The following AFAP1L2 variants were observed in gnomAD, a reference collection of about 807,000 sequenced individuals.
AFAP1L2 encodes the protein actin filament-associated protein 1-like 2.
A neutral mutation model predicts 99.3 loss-of-function variants in AFAP1L2; 46 were observed. That is an observed-to-expected ratio of 0.46 (90% CI 0.37 to 0.59). AFAP1L2 has a LOEUF of 0.59. Ranked by LOEUF, AFAP1L2 falls within the 20% of genes least tolerant of loss-of-function variation. The pLI, the probability that AFAP1L2 is intolerant of heterozygous loss-of-function variation, is 0.00. For missense variants in AFAP1L2, 959 were observed against 1,034.9 expected (o/e 0.93, Z 1.01); for synonymous variants, 397 against 419.1 (o/e 0.95, Z 0.64).
chr10:114,302,228 A>G, intron 12 of AFAP1L2, 111 bp downstream of exon 12: 2 of 1,445,784 alleles, frequency 1.4e-6, no homozygotes, highest in Non-Finnish European at 1.9e-6. Context: ...GCTGCTGGGC[A>G]GAGTGGGGTG....
At position 114,377,133 on chromosome 10, in the gene AFAP1L2, C is replaced by A. The variant is rs2054915900; in HGVS notation, c.16+27307G>T. ...TTTACTAATTCACACTCACCCATCT[C>A]CTTCCTAGTCCCAGACTTCCCAAGT... On this transcript the variant is annotated intron_variant, in intron 1 of 18. Coordinates refer to ENST00000304129, the MANE Select transcript of AFAP1L2 (RefSeq NM_001001936.3). This position sits in a 1 kb window ranked among gnomAD's most constrained non-coding sequence, Gnocchi z 4.0. 6.6e-6 allele frequency among the ~76,000 whole-genome samples: 1 copy of A among 152,218 alleles called. No homozygotes were observed. The highest frequency in any genetic ancestry group is 2.4e-5 in the African/African-American group (1 of 41,458).
At chr10:114,302,265 A>T in intron 12 of AFAP1L2, 74 bp downstream of exon 12, 1 of 1,592,566 alleles carries the variant, frequency 6.3e-7, no homozygotes, top group Non-Finnish European at 8.6e-7. Context: ...GCTGCCCCTG[A>T]CTCTGGCTGA....
At chr10:114,397,274 G>C (rs186895739) in intron 1 of AFAP1L2, among the ~76,000 whole-genome samples, 131 of 152,252 alleles carry the variant, frequency 8.6e-4, no homozygotes, top group Non-Finnish European at 9.9e-4. Flanking sequence ...CCCAGTCCCA[G>C]TCCTGGCAAC....
chr10:114,394,472 C>T (rs1294400495), intron 1 of AFAP1L2, among the ~76,000 whole-genome samples: 1 of 152,150 alleles, frequency 6.6e-6, no homozygotes, highest in Non-Finnish European at 1.5e-5. Flanking sequence ...TGACTCTATC[C>T]TCTGTGTCTT....
At chr10:114,380,168 C>T (rs1255744557) in intron 1 of AFAP1L2, among the ~76,000 whole-genome samples, 1 of 152,204 alleles carries the variant, frequency 6.6e-6, no homozygotes, top group African/African-American at 2.4e-5. Flanking sequence ...GTGGGGCTGT[C>T]CTCACAAGAC....
At chr10:114,317,160 C>CATTT (rs57241577) in intron 5 of AFAP1L2, among the ~76,000 whole-genome samples, 3 of 152,128 alleles carry the variant, frequency 2.0e-5, no homozygotes, top group Admixed American at 6.5e-5. Flanking sequence ...CTAAGAAGCA[C>CATTT]GTTTGATTTT....
chr10:114,376,944 A>T (rs972593147), intron 1 of AFAP1L2, among the ~76,000 whole-genome samples: 2 of 152,180 alleles, frequency 1.3e-5, no homozygotes, highest in Non-Finnish European at 1.5e-5. Context: ...GGATAGGAGC[A>T]AGATGGAGTA....
intron 6 of AFAP1L2, among the ~76,000 whole-genome samples, chr10:114,315,288 G>T (rs1483378155): frequency 2.0e-5 from 3 of 151,286 alleles, no homozygotes; most frequent in Non-Finnish European, 4.4e-5. Flanking sequence ...TCACAAAGAG[G>T]AGGATGGGAT....
At chr10:114,374,628 G>T (rs1029817287) in intron 1 of AFAP1L2, among the ~76,000 whole-genome samples, 5 of 152,010 alleles carry the variant, frequency 3.3e-5, no homozygotes, top group Non-Finnish European at 5.9e-5. Flanking sequence ...CACAGGAGCT[G>T]CCAGAGTCCT....
rs933499975 is a variant in AFAP1L2, at chr10:114,297,005, G to T, written c.2403C>A (p.Gly801=). The change falls in exon 18 of 19, where the codon GGC becomes GGA. Residue 801 remains glycine (G), a synonymous_variant. Coordinates refer to ENST00000304129, the MANE Select transcript of AFAP1L2 (RefSeq NM_001001936.3). ...KNRPLSVVVT[G]KGTVLQKAKE... is the part of the protein sequence containing the mutation. Reference sequence around the variant, plus strand: ...TGGCTTTCTGGAGTACAGTGCCTTTGCCTGTGACCACGACCGAGAGAGGCC... The same window carrying T: ...TGGCTTTCTGGAGTACAGTGCCTTTTCCTGTGACCACGACCGAGAGAGGCC... 3 of 1,614,072 alleles carry T rather than the reference G, an allele frequency of 1.9e-6. No individual in the cohort carries two copies. The highest frequency in any genetic ancestry group is 1.7e-5 in the Admixed American group (1 of 59,994).
At chr10:114,313,459 T>C (rs1039990197) in intron 7 of AFAP1L2, among the ~76,000 whole-genome samples, 18 of 152,236 alleles carry the variant, frequency 1.2e-4, no homozygotes, top group African/African-American at 3.9e-4. Context: ...ACCTCCATCC[T>C]TTGAGCCTTA....
At chr10:114,360,517 A>ATAGATAGT (rs1554937734) in intron 1 of AFAP1L2, among the ~76,000 whole-genome samples, 133 of 125,854 alleles carry the variant, frequency 1.1e-3, no homozygotes, top group African/African-American at 2.6e-3. Context: ...AGTTAGATAG[A>ATAGATAGT]TAGATAGATA....
rs777948055 is a variant in AFAP1L2, at chr10:114,295,991, T to A, written c.*51A>T. The A allele has an allele frequency of 1.2e-6, 2 of 1,613,972 alleles. No individual in the cohort carries two copies. The highest frequency in any genetic ancestry group is 1.7e-6 in the Non-Finnish European group (2 of 1,179,882). On this transcript the variant is annotated 3_prime_UTR_variant, in exon 19 of 19. Coordinates refer to ENST00000304129, the MANE Select transcript of AFAP1L2 (RefSeq NM_001001936.3). ...TAGTTTTTGCTTTAACAAAGCAGGATTGTCACCAAGGTCCACATTGACATG... is the reference window on the plus strand; with the variant it reads ...TAGTTTTTGCTTTAACAAAGCAGGAATGTCACCAAGGTCCACATTGACATG...
chr10:114,394,365 C>T (rs538354963), intron 1 of AFAP1L2, among the ~76,000 whole-genome samples: 1 of 152,282 alleles, frequency 6.6e-6, no homozygotes, highest in South Asian at 2.1e-4. Context: ...GGTCACCAGC[C>T]CCTCCTGGGA....
Position 114,331,874 on chromosome 10 carries a change from G to T in AFAP1L2, c.244C>A (p.Pro82Thr). Residue 82 changes from proline to threonine, a missense_variant, in exon 4 of 19, where the codon CCC (proline) becomes ACC (threonine). Pro to Thr is a conservative substitution (Grantham distance 38). Transcript: ENST00000304129. ...GKAPEEQGLL[P>T]NGEPSQHSSA... ...GAGTGCTGGCTGGGCTCCCCATTGGGTAGCAGGCCCTGCTCCTCAGGCGCT... is the reference window on the plus strand; with the variant it reads ...GAGTGCTGGCTGGGCTCCCCATTGGTTAGCAGGCCCTGCTCCTCAGGCGCT... 7.4e-7 allele frequency: 1 copy of T among 1,352,776 alleles called. No individual in the cohort carries two copies. Among genetic ancestry groups the T allele is most frequent in the Non-Finnish European group, 9.6e-7 (1 of 1,044,088 alleles). 83.8% of individuals were successfully genotyped at this position (1,352,776 alleles called of 1,614,324 possible).
In AFAP1L2 at chr10:114,310,555, A is replaced by G. The variant is rs2043074473; in HGVS notation, c.793-112T>C. The G allele has an allele frequency of 4.2e-6, 4 of 949,990 alleles. No individual in the cohort carries two copies. In the African/African-American group the frequency reaches 6.6e-5, roughly 16 times the overall value. 58.8% of individuals were successfully genotyped at this position (949,990 alleles called of 1,614,324 possible). A position where few individuals can be genotyped will look rare whatever the true frequency, so the allele number is the denominator to read the frequency against. On this transcript the variant is annotated intron_variant, in intron 7 of 18. Transcript: ENST00000304129. ...AGGGGAGAGTGGGTGGAGGTGAGAG[A>G]GAAGATGAATTTCCAAGGAAGAGGA...
At chr10:114,372,023 C>T (rs1361437210) in intron 1 of AFAP1L2, among the ~76,000 whole-genome samples, 1 of 152,158 alleles carries the variant, frequency 6.6e-6, no homozygotes, top group African/African-American at 2.4e-5. Context: ...TTAACTTCTC[C>T]CCAGCAAGTC....
At chr10:114,363,690 A>G (rs2052774903) in intron 1 of AFAP1L2, among the ~76,000 whole-genome samples, 1 of 152,128 alleles carries the variant, frequency 6.6e-6, no homozygotes, top group South Asian at 2.1e-4. Context: ...CTGCTCACCC[A>G]CCACCTCTGG....
intron 1 of AFAP1L2, among the ~76,000 whole-genome samples, chr10:114,343,109 A>G (rs2049040438): frequency 1.3e-5 from 2 of 152,246 alleles, no homozygotes. Context: ...GGTATCTGGC[A>G]GGTCCTATCT....
Sources: allele counts gnomAD v4.1 joint callset (sites outside exome capture counted in the v4.1 genomes callset), GRCh38; gene constraint gnomAD v4.1.1; non-coding constraint Gnocchi (gnomAD v3.1); transcripts MANE v1.5; gene names NCBI Gene and HGNC (gene_info 2026-07-23, HGNC 2026-07-21).